FAM168B: variants seen among roughly 807,000 people sequenced by gnomAD.
The protein encoded by FAM168B is family with sequence similarity 168 member B, also known as myelin-associated neurite-outgrowth inhibitor.
Under a neutral mutation model 21.8 loss-of-function variants are expected in FAM168B, and 19 were observed. The ratio of observed to expected loss-of-function variants is 0.87; its 90% CI spans 0.61 to 1.28. The LOEUF is 1.28. Ranked by LOEUF, FAM168B falls within the 50% of genes most tolerant of loss-of-function variation. The pLI, the probability that FAM168B is intolerant of heterozygous loss-of-function variation, is 0.00. For synonymous variants in FAM168B, 126 were observed against 104.8 expected, an observed-to-expected ratio of 1.20 and a Z score of -1.24; for missense variants, 233 against 263.1, an observed-to-expected ratio of 0.89 and a Z score of 0.79.
rs1691783483 is a variant in FAM168B at position 131,053,016 on chromosome 2, C to G, written c.476-1G>C. 1 of 1,548,390 alleles carries G rather than the reference C, an allele frequency of 6.5e-7. No homozygotes were observed. Among genetic ancestry groups the G allele is most frequent in the Non-Finnish European group, 8.7e-7 (1 of 1,145,692 alleles). On this transcript the variant is annotated splice_acceptor_variant, in intron 5 of 6. Transcript: ENST00000389915. LOFTEE classifies it high-confidence loss of function. ...GGGGAGTGAGCAGTCAGCAGGGTAC[C>G]TGGAAGAAAGAGCAGCACATGACAT...
chr2:131,076,275 A>G (rs1693148392), intron 2 of FAM168B, among the ~76,000 whole-genome samples: 1 of 152,074 alleles, frequency 6.6e-6, no homozygotes, highest in African/African-American at 2.4e-5. Context: ...TTCAGCATCT[A>G]TTCTAGCCCT....
intron 3 of FAM168B, 140 bp from the exon 4 acceptor site, chr2:131,055,835 T>C: frequency 1.0e-6 from 1 of 960,054 alleles, no homozygotes; most frequent in South Asian, 1.7e-5. Flanking sequence ...CCCACTCTCC[T>C]CCACTAAGAT....
intron 3 of FAM168B, among the ~76,000 whole-genome samples, 173 bp downstream of exon 3, chr2:131,071,682 G>A (rs560592382): frequency 6.6e-6 from 1 of 152,280 alleles, no homozygotes; most frequent in East Asian, 1.9e-4. Context: ...AGTATATAAA[G>A]CTTCAGTGCA....
chr2:131,064,670 T>C (rs984074620), intron 3 of FAM168B, among the ~76,000 whole-genome samples: 2 of 151,168 alleles, frequency 1.3e-5, no homozygotes, highest in Non-Finnish European at 2.9e-5. Context: ...CTGAAGAAAA[T>C]CCCCCGCCAA....
chr2:131,062,964 T>C (rs545962741), intron 3 of FAM168B, among the ~76,000 whole-genome samples: 1 of 152,202 alleles, frequency 6.6e-6, no homozygotes, highest in Non-Finnish European at 1.5e-5. Context: ...TAAGATATAC[T>C]GAGGACCACA....
At chr2:131,092,910 G>GTTGGC (rs1694107117) in intron 1 of FAM168B, among the ~76,000 whole-genome samples, 2 of 152,056 alleles carry the variant, frequency 1.3e-5, no homozygotes, top group South Asian at 4.1e-4. Context: ...CGGGTTTCAC[G>GTTGGC]CTCGCATTCC....
intron 3 of FAM168B, among the ~76,000 whole-genome samples, chr2:131,065,382 T>C (rs1450973763): frequency 1.3e-5 from 2 of 152,182 alleles, no homozygotes; most frequent in Non-Finnish European, 2.9e-5. Flanking sequence ...CCACAAGACC[T>C]CACAGACTAT....
chr2:131,059,159 C>A (rs995386680), intron 3 of FAM168B, among the ~76,000 whole-genome samples: 1 of 152,082 alleles, frequency 6.6e-6, no homozygotes, highest in Non-Finnish European at 1.5e-5. Flanking sequence ...CCTGTCACAG[C>A]GGAGATGATC....
intron 2 of FAM168B, among the ~76,000 whole-genome samples, chr2:131,077,179 C>G (rs903046152): frequency 6.7e-6 from 1 of 148,622 alleles, no homozygotes; most frequent in Non-Finnish European, 1.5e-5. Context: ...TATGGAAGCC[C>G]ACAAGATGGA....
Position 131,049,794 on chromosome 2 carries a change from G to A in FAM168B, c.*2671C>T. 1 of 985,848 alleles carries A rather than the reference G, an allele frequency of 1.0e-6. No homozygotes were observed. The highest frequency in any genetic ancestry group is 1.2e-6 in the Non-Finnish European group (1 of 829,934). The allele number at this position is 985,848 out of a possible 1,614,324, so 61.1% of individuals were successfully genotyped here. ...ACACAAAAAGCAAATTTCTCAGAAT[G>A]CTCCACCATATGCTTCGGGACAAAT... On this transcript the variant is annotated 3_prime_UTR_variant, in exon 7 of 7. Coordinates refer to ENST00000389915, the MANE Select transcript of FAM168B (RefSeq NM_001009993.4).
At chr2:131,059,607 T>TA (rs1241854471) in intron 3 of FAM168B, among the ~76,000 whole-genome samples, 6 of 152,296 alleles carry the variant, frequency 3.9e-5, no homozygotes, top group Admixed American at 1.3e-4. Flanking sequence ...TGTCAAAACA[T>TA]AGAGCTACCC....
Position 131,049,435 on chromosome 2 carries a change from C to T in FAM168B, c.*3030G>A, listed in dbSNP as rs1404240482. ...AAGAACGTTCTTAACAGATGGCTCA[C>T]GAGAGACATAAAAGGTTCTGGAAGT... On this transcript the variant is annotated 3_prime_UTR_variant, in exon 7 of 7. Coordinates refer to ENST00000389915, the MANE Select transcript of FAM168B (RefSeq NM_001009993.4). 4.1e-6 allele frequency: 4 copies of T among 985,278 alleles called. No homozygotes were observed. Among genetic ancestry groups the T allele is most frequent in the East Asian group, 1.1e-4 (1 of 8,820 alleles). 61.0% of individuals were successfully genotyped at this position (985,278 alleles called of 1,614,324 possible). A position where few individuals can be genotyped will look rare whatever the true frequency, so the allele number is the denominator to read the frequency against.
chr2:131,091,168 A>G (rs1012276429), intron 1 of FAM168B, among the ~76,000 whole-genome samples: 2 of 152,072 alleles, frequency 1.3e-5, no homozygotes, highest in Non-Finnish European at 2.9e-5. Flanking sequence ...ATGAGACCCC[A>G]TCTCTACTAA....
intron 1 of FAM168B, among the ~76,000 whole-genome samples, chr2:131,085,282 T>C (rs1311137948): frequency 6.6e-6 from 1 of 152,158 alleles, no homozygotes; most frequent in Non-Finnish European, 1.5e-5. Flanking sequence ...AGGTTCCATC[T>C]CTGAAAAACA....
rs114365427 is a variant in FAM168B at position 131,074,094 on chromosome 2, G to A, written c.71-2156C>T. Among the ~76,000 whole-genome samples, 403 of 152,298 alleles carry A rather than the reference G, an allele frequency of 2.6e-3. 1 individual carries two copies. The highest frequency in any genetic ancestry group is 8.5e-3 in the African/African-American group (353 of 41,558). On this transcript the variant is annotated intron_variant, in intron 2 of 6. Coordinates refer to ENST00000389915, the MANE Select transcript of FAM168B (RefSeq NM_001009993.4). ...GCTGACCCCTCTGGCTCACAGTACAGGAGGCATCACTTGTGACAGCTGAGG... is the reference window on the plus strand; with the variant it reads ...GCTGACCCCTCTGGCTCACAGTACAAGAGGCATCACTTGTGACAGCTGAGG...
At chr2:131,071,968 C>CAT (rs777128877) in intron 2 of FAM168B, 30 bp from the exon 3 acceptor site, 2 of 1,594,386 alleles carry the variant, frequency 1.3e-6, no homozygotes, top group African/African-American at 2.8e-5. Context: ...AATCTCATGT[C>CAT]ATCAACTGAA....
At chr2:131,073,119 G>A (rs1254148278) in intron 2 of FAM168B, among the ~76,000 whole-genome samples, 1 of 151,742 alleles carries the variant, frequency 6.6e-6, no homozygotes, top group Non-Finnish European at 1.5e-5. Flanking sequence ...CTAAGACAGA[G>A]TCTTGCTCTG....
At position 131,050,922 on chromosome 2, in the gene FAM168B, C is replaced by A; in HGVS notation, c.*1543G>T. 3.0e-6 allele frequency: 3 copies of A among 985,764 alleles called. No homozygotes were observed. The highest frequency in any genetic ancestry group is 2.4e-6 in the Non-Finnish European group (2 of 830,188). 61.1% of individuals were successfully genotyped at this position (985,764 alleles called of 1,614,324 possible). A position where few individuals can be genotyped will look rare whatever the true frequency, so the allele number is the denominator to read the frequency against. On this transcript the variant is annotated 3_prime_UTR_variant, in exon 7 of 7. Coordinates refer to ENST00000389915, the MANE Select transcript of FAM168B (RefSeq NM_001009993.4). ...AAAGGGACCCAGGCCTTACATCCCC[C>A]ACCCCCACTCTGACCCTCACTGAGA...
chr2:131,065,422 C>T (rs906203864), intron 3 of FAM168B, among the ~76,000 whole-genome samples: 9 of 152,168 alleles, frequency 5.9e-5, no homozygotes, highest in Admixed American at 2.0e-4. Flanking sequence ...CTCTCCCCCT[C>T]GGCTGCCATG....
Sources: gnomAD v4.1 joint callset for allele counts (sites outside exome capture counted in the v4.1 genomes callset) on GRCh38, gnomAD v4.1.1 for gene constraint, MANE v1.5 for transcripts, NCBI Gene and HGNC (gene_info 2026-07-23, HGNC 2026-07-21) for gene names.